MEGF6: variants seen among roughly 807,000 people sequenced by gnomAD.
MEGF6 encodes multiple EGF like domains 6.
MEGF6 carries 184 observed loss-of-function variants against 207.1 expected under a neutral mutation model. The ratio of observed to expected loss-of-function variants is 0.89; its 90% CI spans 0.79 to 1.00. The LOEUF (loss-of-function observed/expected upper bound fraction) is 1.00, where lower values mean the gene tolerates loss of function less well. Ranked by LOEUF, MEGF6 falls within the 50% of genes least tolerant of loss-of-function variation. The pLI, the probability that MEGF6 is intolerant of heterozygous loss-of-function variation, is 0.00. For synonymous variants in MEGF6, 1,038 were observed against 910.0 expected (o/e 1.14, Z -2.53); for missense variants, 2,282 against 2,202.9 (o/e 1.04, Z -0.72).
chr1:3,591,180 G>A (rs1266219752), intron 3 of MEGF6, among the ~76,000 whole-genome samples: 2 of 152,234 alleles, frequency 1.3e-5, no homozygotes, highest in Non-Finnish European at 2.9e-5. Context: ...CAGCAGAGAT[G>A]GGAAGCGCAC....
At chr1:3,532,852 G>A (rs1161514385) in intron 4 of MEGF6, among the ~76,000 whole-genome samples, 4 of 152,240 alleles carry the variant, frequency 2.6e-5, no homozygotes, top group Non-Finnish European at 5.9e-5. Context: ...CAGGCCCTGG[G>A]TTCTGGGGAT....
At chr1:3,507,655 G>T in intron 14 of MEGF6, 140 bp downstream of exon 14, 5 of 1,076,768 alleles carry the variant, frequency 4.6e-6, no homozygotes, top group Non-Finnish European at 7.1e-6. Context: ...AGGAAGGAAA[G>T]GGAGTCTAGG....
At chr1:3,496,922 G>A in intron 28 of MEGF6, 66 bp downstream of exon 28, 2 of 1,530,938 alleles carry the variant, frequency 1.3e-6, no homozygotes, top group Non-Finnish European at 1.8e-6. Context: ...CGGGGACCAG[G>A]GGAACTGGGG....
intron 4 of MEGF6, among the ~76,000 whole-genome samples, chr1:3,531,815 G>A (rs1431250485): frequency 1.3e-5 from 2 of 151,958 alleles, no homozygotes; most frequent in African/African-American, 4.8e-5. Flanking sequence ...GGGCCGCGGG[G>A]CGGGGGAGGG....
chr1:3,612,973 G>A (rs1034440554), upstream of MEGF6, among the ~76,000 whole-genome samples: 6 of 152,172 alleles, frequency 3.9e-5, no homozygotes, highest in Non-Finnish European at 5.9e-5. Flanking sequence ...CTGCAGATCC[G>A]GGAACTGAAC....
At chr1:3,539,509 G>A (rs1570092394) in intron 4 of MEGF6, among the ~76,000 whole-genome samples, 1 of 152,240 alleles carries the variant, frequency 6.6e-6, no homozygotes, top group South Asian at 2.1e-4. Context: ...GAGGCACAGG[G>A]GGAACGTGAC....
intron 3 of MEGF6, among the ~76,000 whole-genome samples, chr1:3,585,269 T>C (rs1422779322): frequency 1.5e-5 from 2 of 137,382 alleles, no homozygotes; most frequent in African/African-American, 2.8e-5. Flanking sequence ...TGTGTGTGGG[T>C]GTGTGGACGC....
rs371559234 is a variant in MEGF6 at position 3,546,772 on chromosome 1, G to A, written c.482-22526C>T. 6.0e-5 allele frequency among the ~76,000 whole-genome samples: 9 copies of A among 149,068 alleles called. No individual in the cohort carries two copies. In the South Asian group the frequency reaches 6.4e-4, roughly 11 times the overall value. ...AGGGTGCCAGGGAGGCCACCATGGC[G>A]GGGTGGCAATGGCCTGGGAAGGGGG... On this transcript the variant is annotated intron_variant, in intron 4 of 36. Coordinates refer to ENST00000356575, the MANE Select transcript of MEGF6 (RefSeq NM_001409.4).
intron 4 of MEGF6, among the ~76,000 whole-genome samples, chr1:3,569,570 G>C (rs529059428): frequency 1.6e-3 from 243 of 152,384 alleles, no homozygotes; most frequent in African/African-American, 5.6e-3. Flanking sequence ...CACCCAGCTA[G>C]TGGGAAGAGC....
intron 3 of MEGF6, among the ~76,000 whole-genome samples, chr1:3,585,972 G>A (rs1643888165): frequency 1.1e-5 from 1 of 88,646 alleles, no homozygotes; most frequent in African/African-American, 7.4e-5. Flanking sequence ...GTGTGTGGGT[G>A]TGTGGACGCA....
At chr1:3,493,666 T>TTGGTGG in intron 34 of MEGF6, 105 bp downstream of exon 34, 1 of 1,455,112 alleles carries the variant, frequency 6.9e-7, no homozygotes, top group Non-Finnish European at 9.3e-7. Flanking sequence ...ACAAGAGGGG[T>TTGGTGG]TGGTGGCCAG....
chr1:3,534,216 T>A (rs1240686417), intron 4 of MEGF6, among the ~76,000 whole-genome samples: 16 of 152,162 alleles, frequency 1.1e-4, no homozygotes, highest in Admixed American at 1.0e-3. Context: ...TCTCAGTCAG[T>A]ATGTTCTTAG....
Position 3,500,737 on chromosome 1 carries a change from T to C in MEGF6, c.2603A>G (p.Asp868Gly), listed in dbSNP as rs1348920699. ...RACDTGHWGP[D>G]CSHPCNCSAG... Reference sequence around the variant, plus strand: ...GCTGCAGTTGCAGGGGTGGCTGCAGTCAGGTCCCCAGTGCCCAGTATCACA... The same window carrying C: ...GCTGCAGTTGCAGGGGTGGCTGCAGCCAGGTCCCCAGTGCCCAGTATCACA... The change falls in exon 21 of 37, where the codon GAC (aspartate) becomes GGC (glycine). Residue 868 changes from aspartate (D) to glycine (G), a missense_variant. Physicochemically the swap from Asp to Gly is moderately conservative, Grantham distance 94. Transcript: ENST00000356575. 6.2e-7 allele frequency: 1 copy of C among 1,602,288 alleles called. No individual in the cohort carries two copies. The highest frequency in any genetic ancestry group is 8.5e-7 in the Non-Finnish European group (1 of 1,175,120).
chr1:3,520,649 C>T (rs1641711379), intron 5 of MEGF6, among the ~76,000 whole-genome samples: 1 of 151,988 alleles, frequency 6.6e-6, no homozygotes, highest in African/African-American at 2.4e-5. Context: ...CAGGACTGGG[C>T]GGGCAGGGCT....
chr1:3,582,810 G>A (rs775300104), intron 3 of MEGF6, among the ~76,000 whole-genome samples: 8 of 152,066 alleles, frequency 5.3e-5, no homozygotes, highest in South Asian at 2.1e-4. Flanking sequence ...TCCCTAACCC[G>A]TCTCCAAATC....
At chr1:3,535,527 C>T (rs545686660) in intron 4 of MEGF6, among the ~76,000 whole-genome samples, 50 of 152,302 alleles carry the variant, frequency 3.3e-4, no homozygotes, top group Admixed American at 2.1e-3. Flanking sequence ...CCTCCTATCC[C>T]GTAGCCGGGA....
At chr1:3,523,872 G>A (rs529920512) in intron 5 of MEGF6, among the ~76,000 whole-genome samples, 1 of 152,370 alleles carries the variant, frequency 6.6e-6, no homozygotes, top group Admixed American at 6.5e-5. Context: ...GGCTTAGTGT[G>A]GCTGCAGAGG....
At position 3,611,377 on chromosome 1, in the gene MEGF6, C is replaced by T. The variant is rs1644323612; in HGVS notation, c.-109G>A. The T allele has an allele frequency of 7.6e-7, 1 of 1,320,414 alleles. No individual in the cohort carries two copies. The highest frequency in any genetic ancestry group is 2.3e-4 in the Middle Eastern group (1 of 4,428). The allele number at this position is 1,320,414 out of a possible 1,614,324, so 81.8% of individuals were successfully genotyped here. A position where few individuals can be genotyped will look rare whatever the true frequency, so the allele number is the denominator to read the frequency against. On this transcript the variant is annotated 5_prime_UTR_variant, in exon 1 of 37. Transcript: ENST00000356575. ...AGGACGCAGCCACAGGTGCCCGCGC[C>T]CGCTCCGCGGAGCCCAAGGTCGCTG...
chr1:3,513,547 G>A (rs1205870412), intron 7 of MEGF6, among the ~76,000 whole-genome samples: 2 of 149,112 alleles, frequency 1.3e-5, no homozygotes, highest in African/African-American at 2.5e-5. Context: ...CAAAGTGCTG[G>A]GATTACAGGT....
Sources: gnomAD v4.1 joint callset for allele counts (sites outside exome capture counted in the v4.1 genomes callset) on GRCh38, gnomAD v4.1.1 for gene constraint, MANE v1.5 for transcripts, NCBI Gene and HGNC (gene_info 2026-07-23, HGNC 2026-07-21) for gene names.